DMD: variants seen among roughly 807,000 people sequenced by gnomAD.
DMD encodes the protein dystrophin.
In DMD, 63 loss-of-function variants were observed where a neutral mutation model predicts 330.1. That is an observed-to-expected ratio of 0.19 (90% confidence interval 0.16 to 0.24). The LOEUF (loss-of-function observed/expected upper bound fraction) is 0.24. Ranked by LOEUF, DMD falls within the 10% of genes least tolerant of loss-of-function variation. The pLI is 1.00. For synonymous variants in DMD, 1,223 were observed against 959.8 expected, an observed-to-expected ratio of 1.27 and a Z score of -5.07; for missense variants, 3,344 against 2,684.1, an observed-to-expected ratio of 1.25 and a Z score of -5.43.
chrX:32,483,569 A>T (rs752144510), intron 21 of DMD, among the ~76,000 whole-genome samples: 1 of 109,618 alleles, frequency 9.1e-6, no homozygotes, highest in East Asian at 2.9e-4. Flanking sequence ...TTTGCACAAC[A>T]ATTGCTGCAT....
intron 9 of DMD, among the ~76,000 whole-genome samples, chrX:32,670,888 G>C (rs1351940108): frequency 9.0e-6 from 1 of 111,382 alleles, no homozygotes; most frequent in Non-Finnish European, 1.9e-5. Context: ...AATGCCAAAA[G>C]CATTGTAATG....
intron 1 of DMD, among the ~76,000 whole-genome samples, chrX:33,039,500 T>C (rs2094262089): frequency 1.8e-5 from 2 of 111,450 alleles, no homozygotes; most frequent in South Asian, 7.5e-4. Flanking sequence ...ACAAAATGCT[T>C]TTGAGTCACC....
At chrX:31,243,146 T>G (rs764646363) in intron 63 of DMD, among the ~76,000 whole-genome samples, 9 of 112,031 alleles carry the variant, frequency 8.0e-5, no homozygotes, top group African/African-American at 2.9e-4. Context: ...CACAGAAAAC[T>G]GTAAATGTAA....
chrX:32,559,978 A>T (rs1009948565), intron 16 of DMD, among the ~76,000 whole-genome samples: 1 of 111,408 alleles, frequency 9.0e-6, no homozygotes, highest in Admixed American at 9.6e-5. Flanking sequence ...AAGAAGAGGC[A>T]AATTCTGAGC....
chrX:32,616,213 T>A (rs1183070438), intron 11 of DMD, among the ~76,000 whole-genome samples: 1 of 111,137 alleles, frequency 9.0e-6, no homozygotes, highest in Non-Finnish European at 1.9e-5. Context: ...GTAATAGGTG[T>A]CATGTTTATC....
intron 60 of DMD, among the ~76,000 whole-genome samples, chrX:31,398,938 G>A (rs919677728): frequency 8.9e-6 from 1 of 111,908 alleles, no homozygotes; most frequent in African/African-American, 3.2e-5. Context: ...AGGTGCAGCA[G>A]CTGGGGCCAG....
chrX:31,243,403 A>G (rs1461560536), intron 63 of DMD, among the ~76,000 whole-genome samples: 1 of 111,896 alleles, frequency 8.9e-6, no homozygotes, highest in African/African-American at 3.2e-5. Flanking sequence ...AAAAAATTAA[A>G]CTGTACAGTA....
chrX:31,817,872 G>C (rs1214083351), intron 50 of DMD, among the ~76,000 whole-genome samples: 1 of 111,787 alleles, frequency 8.9e-6, no homozygotes, highest in Non-Finnish European at 1.9e-5. Flanking sequence ...TCGTTGCTCA[G>C]TCTTTTCTCT....
At chrX:32,214,894 C>T (rs889353945) in intron 44 of DMD, among the ~76,000 whole-genome samples, 22 of 111,704 alleles carry the variant, frequency 2.0e-4, no homozygotes, top group African/African-American at 6.8e-4. Context: ...AAACAACACA[C>T]TTAATGAGGA....
At chrX:31,671,463 G>C (rs774075544) in intron 53 of DMD, among the ~76,000 whole-genome samples, 8 of 112,131 alleles carry the variant, frequency 7.1e-5, no homozygotes, top group Non-Finnish European at 1.3e-4. Flanking sequence ...ATAATTTTTT[G>C]AGGCGTTTCA....
At chrX:31,331,245 G>A (rs1448158116) in intron 61 of DMD, among the ~76,000 whole-genome samples, 1 of 111,595 alleles carries the variant, frequency 9.0e-6, no homozygotes. Flanking sequence ...ACCACACCAT[G>A]GGATTTGTCA....
At chrX:32,489,042 C>T (rs906705972) in intron 20 of DMD, among the ~76,000 whole-genome samples, 7 of 111,332 alleles carry the variant, frequency 6.3e-5, no homozygotes, top group African/African-American at 2.3e-4. Context: ...GTATCAGGTT[C>T]GTTTTTCCCT....
intron 1 of DMD, among the ~76,000 whole-genome samples, chrX:33,288,245 C>A (rs2053462583): frequency 9.0e-6 from 1 of 111,508 alleles, no homozygotes; most frequent in Admixed American, 9.6e-5. Flanking sequence ...GCAGATCTCA[C>A]ATTGGGCCTT....
intron 62 of DMD, among the ~76,000 whole-genome samples, chrX:31,302,290 T>C (rs906947318): frequency 6.3e-5 from 7 of 111,913 alleles, no homozygotes; most frequent in African/African-American, 2.3e-4. Context: ...CAGACTTAGA[T>C]ATGTAACAGT....
chrX:32,665,417 G>A (rs1231746224), intron 9 of DMD, among the ~76,000 whole-genome samples: 1 of 112,058 alleles, frequency 8.9e-6, no homozygotes, highest in Non-Finnish European at 1.9e-5. Context: ...TATACATACA[G>A]CATGGAAGAA....
intron 43 of DMD, among the ~76,000 whole-genome samples, chrX:32,280,059 T>C (rs1175438853): frequency 1.3e-5 from 1 of 74,976 alleles, no homozygotes; most frequent in East Asian, 4.1e-4. Flanking sequence ...ACACTATGTA[T>C]GTGTGTATAT....
chrX:32,769,602 C>T (rs373790336), intron 7 of DMD, among the ~76,000 whole-genome samples: 13 of 111,287 alleles, frequency 1.2e-4, no homozygotes, highest in African/African-American at 3.9e-4. Flanking sequence ...TTCAGTGACA[C>T]GAGATCACAC....
intron 38 of DMD, among the ~76,000 whole-genome samples, chrX:32,346,663 C>A (rs1237470942): frequency 2.7e-5 from 3 of 111,326 alleles, no homozygotes; most frequent in Non-Finnish European, 3.8e-5. Flanking sequence ...AAGTTACCAT[C>A]AAATAATTTC....
At chrX:32,599,269 T>C (rs2055913559) in intron 12 of DMD, among the ~76,000 whole-genome samples, 1 of 111,335 alleles carries the variant, frequency 9.0e-6, no homozygotes, top group African/African-American at 3.3e-5. Flanking sequence ...GGGTTTACTT[T>C]TACACTGATT....
Sources: allele counts gnomAD v4.1 joint callset (sites outside exome capture counted in the v4.1 genomes callset), GRCh38; gene constraint gnomAD v4.1.1; transcripts MANE v1.5; gene names NCBI Gene and HGNC (gene_info 2026-07-23, HGNC 2026-07-21).